The following ATP7A variants were observed in gnomAD, a reference collection of about 807,000 sequenced individuals.
ATP7A encodes the protein copper-transporting ATPase 1.
In ATP7A, 7 loss-of-function variants were observed where a neutral mutation model predicts 83.5. The observed-to-expected ratio is 0.08, with a 90% CI of 0.05 to 0.16. The LOEUF is 0.16. Ranked by LOEUF, ATP7A falls within the 10% of genes least tolerant of loss-of-function variation. The pLI, the probability that ATP7A is intolerant of heterozygous loss-of-function variation, is 1.00. For missense variants in ATP7A, 940 were observed against 1,120.8 expected (o/e 0.84, Z 2.30); for synonymous variants, 354 against 395.2 (o/e 0.90, Z 1.24).
In ATP7A at chrX:78,020,397, A is replaced by G. The variant is rs1557235625; in HGVS notation, c.2780A>G (p.Lys927Arg). Residue 927 changes from lysine (K) to arginine (R), a missense_variant and splice_region_variant, in exon 13 of 23, where the codon AAG becomes AGG. This residue lies in a region of ATP7A where 386 missense variants were observed against 502.2 expected (regional missense o/e 0.77). Coordinates refer to ENST00000341514, the MANE Select transcript of ATP7A (RefSeq NM_000052.7). Reference sequence around the variant, plus strand: ...CTTGTGGAAGAGGCACAAACATCAAAGGTAACTTAACTCCCTAGGAGAAAC... The same window carrying G: ...CTTGTGGAAGAGGCACAAACATCAAGGGTAACTTAACTCCCTAGGAGAAAC... ...VKLVEEAQTSKAPIQQFADKL... is the reference protein window; with the variant it reads ...VKLVEEAQTSRAPIQQFADKL... 14 of 1,208,202 alleles carry G rather than the reference A, an allele frequency of 1.2e-5. No homozygotes were observed. Among genetic ancestry groups the G allele is most frequent in the African/African-American group, 1.7e-5 (1 of 57,265 alleles).
chrX:78,040,223 GA>G (rs1355404333), intron 18 of ATP7A, among the ~76,000 whole-genome samples: 5 of 94,325 alleles, frequency 5.3e-5, no homozygotes, highest in Non-Finnish European at 1.1e-4. Context: ...ACCTTAAAAA[GA>G]AAAAAAGTAT....
At chrX:77,970,932 C>T (rs2077543223) in intron 1 of ATP7A, among the ~76,000 whole-genome samples, 1 of 111,555 alleles carries the variant, frequency 9.0e-6, no homozygotes. Flanking sequence ...TAAGGGGAAT[C>T]AGAGTATGTT....
chrX:77,969,165 A>G lies in ATP7A; in HGVS notation c.-21-2456A>G, dbSNP rs1557229208. ...AGAAGGGCAGAGCTCTGGCAATAGT[A>G]TCCTTCGGACTCTCATAGGAGGGTA... On this transcript the variant is annotated intron_variant, in intron 1 of 22. Coordinates refer to ENST00000341514, the MANE Select transcript of ATP7A (RefSeq NM_000052.7). 3 of 1,211,550 alleles carry G rather than the reference A, an allele frequency of 2.5e-6. No individual in the cohort carries two copies. In the East Asian group the frequency reaches 8.9e-5, roughly 36 times the overall value.
At chrX:78,018,920 T>C (rs1210058965) in intron 12 of ATP7A, among the ~76,000 whole-genome samples, 1 of 110,931 alleles carries the variant, frequency 9.0e-6, no homozygotes, top group Non-Finnish European at 1.9e-5. Context: ...TATAAAACCA[T>C]CAGATCTCGT....
At chrX:77,911,759 C>T (rs2077162052) in intron 1 of ATP7A, among the ~76,000 whole-genome samples, 1 of 110,671 alleles carries the variant, frequency 9.0e-6, no homozygotes, top group Non-Finnish European at 1.9e-5. Flanking sequence ...GCCTGGCCAT[C>T]ATGGCGAAAC....
At position 78,011,192 on chromosome X, in the gene ATP7A, C is replaced by T. The variant is rs782311030; in HGVS notation, c.1886C>T (p.Ala629Val). Reference sequence around the variant, plus strand: ...TTTCCTTAGAGCTTAGGTTTTGAAGCTTCTTTGGTCAAGAAGGATCGGTCA... The same window carrying T: ...TTTCCTTAGAGCTTAGGTTTTGAAGTTTCTTTGGTCAAGAAGGATCGGTCA... ...IHTIESLGFE[A>V]SLVKKDRSAS... is the part of the protein sequence containing the mutation. Residue 629 changes from alanine to valine, a missense_variant, in exon 8 of 23, where the codon GCT (alanine) becomes GTT (valine). Around this residue, in one of 3 missense-constraint regions of ATP7A, gnomAD observed 204 missense variants for 185.8 expected, o/e 1.10. Transcript: ENST00000341514. 1 of 1,207,865 alleles carries T rather than the reference C, an allele frequency of 8.3e-7. No individual in the cohort carries two copies. Among genetic ancestry groups the T allele is most frequent in the African/African-American group, 1.8e-5 (1 of 56,930 alleles).
At chrX:78,034,785 C>T (rs1429622545) in intron 17 of ATP7A, among the ~76,000 whole-genome samples, 7 of 106,330 alleles carry the variant, frequency 6.6e-5, no homozygotes, top group African/African-American at 1.0e-4. Flanking sequence ...GCTCTGTCAC[C>T]CAGGCTGGAG....
At chrX:77,959,985 T>C (rs2077466171) in intron 1 of ATP7A, among the ~76,000 whole-genome samples, 1 of 112,431 alleles carries the variant, frequency 8.9e-6, no homozygotes, top group African/African-American at 3.2e-5. Context: ...TCACCGACAC[T>C]TGGTATTGTC....
chrX:77,988,837 G>A (rs2077653592), intron 3 of ATP7A, 106 bp downstream of exon 3: 1 of 980,871 alleles, frequency 1.0e-6, no homozygotes, highest in African/African-American at 1.9e-5. Context: ...TGAGACTAGA[G>A]TGCTTGCTGT....
intron 1 of ATP7A, among the ~76,000 whole-genome samples, chrX:77,946,216 C>T (rs1557226153): frequency 9.3e-6 from 1 of 108,049 alleles, no homozygotes; most frequent in African/African-American, 3.4e-5. Flanking sequence ...GCAGGAGAAT[C>T]ACTTGAACCC....
Position 78,031,405 on chromosome X carries a change from G to A in ATP7A, c.3117G>A (p.Lys1039=). ...GEPLEMAHKV[K]VVVFDKTGTI... Reference sequence around the variant, plus strand: ...GTATCTTAATTTTTTTACAGGTAAAGGTAGTGGTATTTGATAAGACTGGAA... The same window carrying A: ...GTATCTTAATTTTTTTACAGGTAAAAGTAGTGGTATTTGATAAGACTGGAA... Residue 1039 remains lysine (K), a synonymous_variant, in exon 16 of 23, where the codon AAG becomes AAA. Coordinates refer to ENST00000341514, the MANE Select transcript of ATP7A (RefSeq NM_000052.7). The A allele has an allele frequency of 1.7e-6, 2 of 1,209,301 alleles. No individual in the cohort carries two copies. The highest frequency in any genetic ancestry group is 1.8e-5 in the South Asian group (1 of 56,948).
chrX:77,947,672 G>A (rs1283915799), intron 1 of ATP7A, among the ~76,000 whole-genome samples: 2 of 107,656 alleles, frequency 1.9e-5, no homozygotes, highest in Admixed American at 1.0e-4. Flanking sequence ...TCCTGACCTC[G>A]TGATCTGTCC....
chrX:77,942,451 G>C lies in ATP7A; in HGVS notation c.-21-29170G>C, dbSNP rs186058367. On this transcript the variant is annotated intron_variant, in intron 1 of 22. Transcript: ENST00000341514. ...GTTTAGGAACTCCTTTTTTTTTTGC[G>C]GGGGGGGTAGGGGAGCGGACAGCAT... 5.9e-3 allele frequency among the ~76,000 whole-genome samples: 625 copies of C among 105,096 alleles called. 2 individuals carry two copies. Among genetic ancestry groups the C allele is most frequent in the African/African-American group, 0.02 (571 of 28,975 alleles). 91.3% of individuals were successfully genotyped at this position (105,096 alleles called of 115,157 possible).
intron 1 of ATP7A, among the ~76,000 whole-genome samples, chrX:77,933,768 G>A (rs1380989133): frequency 1.8e-5 from 2 of 112,242 alleles, no homozygotes; most frequent in Admixed American, 1.9e-4. Context: ...ATCTGTGATC[G>A]ACCTAACCAT....
At chrX:77,942,454 G>GT (rs1489952680) in intron 1 of ATP7A, among the ~76,000 whole-genome samples, 3 of 108,819 alleles carry the variant, frequency 2.8e-5, no homozygotes, top group African/African-American at 6.7e-5. Context: ...TTTTTGCGGG[G>GT]GGGGTAGGGG....
intron 1 of ATP7A, among the ~76,000 whole-genome samples, chrX:77,916,354 CAA>C (rs782551060): frequency 4.6e-4 from 15 of 32,521 alleles, no homozygotes; most frequent in Non-Finnish European, 5.8e-4. Flanking sequence ...GACCCTGTCT[CAA>C]AAAAAAAAAA....
chrX:77,943,493 A>G (rs1183604499), intron 1 of ATP7A, among the ~76,000 whole-genome samples: 1 of 112,311 alleles, frequency 8.9e-6, no homozygotes, highest in Non-Finnish European at 1.9e-5. Flanking sequence ...ATAGAAGACA[A>G]TAAATGCATC....
At chrX:78,032,279 T>C (rs2077988175) in intron 16 of ATP7A, among the ~76,000 whole-genome samples, 1 of 111,333 alleles carries the variant, frequency 9.0e-6, no homozygotes, top group Non-Finnish European at 1.9e-5. Context: ...TTTTGCAGTA[T>C]ATACTCAACA....
In ATP7A at chrX:78,011,472, G is replaced by C; in HGVS notation, c.1970G>C (p.Ser657Thr). ...AGATGGAGACGGTCTTTTCTTGTGA[G>C]TCTGTTTTTCTGTATTCCTGTAATG... is the stretch of plus-strand genomic sequence containing the variant. The part of the protein sequence containing the change: ...IRQWRRSFLV[S>T]LFFCIPVMGL... Residue 657 changes from serine (S) to threonine (T), a missense_variant, in exon 9 of 23, where the codon AGT becomes ACT. Ser to Thr is a moderately conservative substitution (Grantham distance 58). Coordinates refer to ENST00000341514, the MANE Select transcript of ATP7A (RefSeq NM_000052.7). 8.3e-7 allele frequency: 1 copy of C among 1,209,975 alleles called. No individual in the cohort carries two copies. The highest frequency in any genetic ancestry group is 1.1e-6 in the Non-Finnish European group (1 of 894,644).
Sources: gnomAD v4.1 joint callset for allele counts (sites outside exome capture counted in the v4.1 genomes callset) on GRCh38, gnomAD v4.1.1 for gene constraint, gnomAD v4.1.1 regional missense constraint, MANE v1.5 for transcripts, NCBI Gene and HGNC (gene_info 2026-07-23, HGNC 2026-07-21) for gene names.